NAALADL2: variants seen among roughly 807,000 people sequenced by gnomAD.
NAALADL2 encodes inactive N-acetylated-alpha-linked acidic dipeptidase-like protein 2.
In NAALADL2, 76 loss-of-function variants were observed where a neutral mutation model predicts 87.2. The ratio of observed to expected loss-of-function variants is 0.87; its 90% CI spans 0.72 to 1.05. NAALADL2 has a LOEUF of 1.05. Among genes scored for constraint, NAALADL2 ranks in the 50% least tolerant of loss-of-function variants. The pLI, the probability that NAALADL2 is intolerant of heterozygous loss-of-function variation, is 0.00. For synonymous variants in NAALADL2, 354 were observed against 331.0 expected, an observed-to-expected ratio of 1.07 and a Z score of -0.75; for missense variants, 1,089 against 945.8, an observed-to-expected ratio of 1.15 and a Z score of -1.99.
chr3:175,111,155 C>A (rs1023802488), intron 2 of NAALADL2, among the ~76,000 whole-genome samples: 2 of 151,618 alleles, frequency 1.3e-5, no homozygotes, highest in Admixed American at 1.3e-4. Context: ...GAGCTATGTC[C>A]AGGTGCGGGG....
intron 1 of NAALADL2, chr3:174,459,200 T>G (rs1716045928): frequency 6.6e-6 from 1 of 152,246 alleles, no homozygotes; most frequent in Non-Finnish European, 1.5e-5. Context: ...TTATGTCTTT[T>G]CATTTTTTTT....
chr3:175,106,545 A>C (rs1355876631), intron 2 of NAALADL2, among the ~76,000 whole-genome samples: 1 of 152,104 alleles, frequency 6.6e-6, no homozygotes, highest in Non-Finnish European at 1.5e-5. Flanking sequence ...GGGAATAACA[A>C]ATGTTTTACT....
chr3:174,986,694 A>T (rs1745924894), intron 1 of NAALADL2, among the ~76,000 whole-genome samples: 1 of 152,200 alleles, frequency 6.6e-6, no homozygotes. Context: ...TTAATTCCTG[A>T]AACTGTGCTT....
At chr3:174,782,588 G>A (rs553017874) in intron 3 of NAALADL2, among the ~76,000 whole-genome samples, 3 of 152,066 alleles carry the variant, frequency 2.0e-5, no homozygotes, top group Non-Finnish European at 4.4e-5. Context: ...GTATTAGTCC[G>A]TTCTGACGCT....
chr3:175,781,730 C>T (rs1751129864), intron 13 of NAALADL2, among the ~76,000 whole-genome samples: 1 of 147,594 alleles, frequency 6.8e-6, no homozygotes, highest in African/African-American at 2.5e-5. Flanking sequence ...TTTTATTATA[C>T]TTTAAGTTTT....
chr3:175,236,012 G>C (rs1028358447), intron 3 of NAALADL2, among the ~76,000 whole-genome samples: 1 of 152,106 alleles, frequency 6.6e-6, no homozygotes, highest in Admixed American at 6.6e-5. Flanking sequence ...ATATTGTACA[G>C]TTTCCACACT....
chr3:175,143,551 C>CAAAAA (rs200363916), intron 2 of NAALADL2, among the ~76,000 whole-genome samples: 7 of 113,408 alleles, frequency 6.2e-5, no homozygotes, highest in Admixed American at 9.0e-5. Flanking sequence ...CAATGTTAGC[C>CAAAAA]AAAAAAAAAA....
At chr3:174,976,093 A>G (rs1039730667) in intron 1 of NAALADL2, among the ~76,000 whole-genome samples, 10 of 152,218 alleles carry the variant, frequency 6.6e-5, no homozygotes, top group African/African-American at 2.2e-4. Context: ...TGCAATAGAC[A>G]TAGGTAATTC....
intron 2 of NAALADL2, among the ~76,000 whole-genome samples, chr3:175,102,479 T>C (rs1321905566): frequency 6.6e-6 from 1 of 152,208 alleles, no homozygotes; most frequent in Non-Finnish European, 1.5e-5. Flanking sequence ...ATGGCTTTTA[T>C]TGGTTCTTTC....
intron 9 of NAALADL2, among the ~76,000 whole-genome samples, chr3:175,555,484 C>A (rs1053577873): frequency 4.6e-5 from 7 of 152,128 alleles, no homozygotes; most frequent in African/African-American, 1.4e-4. Context: ...CTTTAAGGCA[C>A]TCTTTAAACA....
intron 4 of NAALADL2, among the ~76,000 whole-genome samples, chr3:175,265,032 C>T (rs1017540779): frequency 4.6e-5 from 7 of 151,676 alleles, no homozygotes; most frequent in African/African-American, 1.7e-4. Flanking sequence ...ACATACTAAA[C>T]ATTCATCGAA....
At chr3:175,181,722 T>TGC (rs752623463) in intron 2 of NAALADL2, among the ~76,000 whole-genome samples, 3,767 of 57,574 alleles carry the variant, frequency 0.065, 268 homozygotes, top group Non-Finnish European at 0.099. Context: ...TGTGTGTATA[T>TGC]ATATGTATAT....
intron 2 of NAALADL2, among the ~76,000 whole-genome samples, chr3:174,706,454 A>G (rs536297784): frequency 6.6e-6 from 1 of 152,338 alleles, no homozygotes; most frequent in South Asian, 2.1e-4. Context: ...GAATAGATAC[A>G]TTGTACAATA....
At chr3:175,008,757 G>A (rs1252413487) in intron 1 of NAALADL2, among the ~76,000 whole-genome samples, 1 of 111,796 alleles carries the variant, frequency 8.9e-6, no homozygotes, top group East Asian at 2.9e-4. Flanking sequence ...GTAGGCTAGG[G>A]TTTGGAGGTA....
At chr3:174,881,386 C>T (rs1729169354) in intron 1 of NAALADL2, among the ~76,000 whole-genome samples, 1 of 152,038 alleles carries the variant, frequency 6.6e-6, no homozygotes, top group Non-Finnish European at 1.5e-5. Flanking sequence ...GTACACAAAA[C>T]ATATTACACA....
At chr3:174,947,865 A>G (rs998085560) in intron 1 of NAALADL2, among the ~76,000 whole-genome samples, 5 of 152,036 alleles carry the variant, frequency 3.3e-5, no homozygotes, top group Admixed American at 2.6e-4. Context: ...ACTGAGCTTT[A>G]TTTTCTAATA....
intron 9 of NAALADL2, among the ~76,000 whole-genome samples, chr3:175,496,069 A>G (rs1292308347): frequency 6.6e-6 from 1 of 152,178 alleles, no homozygotes; most frequent in Non-Finnish European, 1.5e-5. Flanking sequence ...TGTGGCAGAC[A>G]TATTTATACT....
chr3:175,292,855 GT>G (rs1755813443), intron 4 of NAALADL2, among the ~76,000 whole-genome samples: 1 of 151,760 alleles, frequency 6.6e-6, no homozygotes, highest in Non-Finnish European at 1.5e-5. Flanking sequence ...GGCTAACACG[GT>G]GAAACCCCGT....
chr3:174,904,952 TA>T (rs1434371366), intron 1 of NAALADL2, among the ~76,000 whole-genome samples: 3 of 151,616 alleles, frequency 2.0e-5, no homozygotes, highest in African/African-American at 7.3e-5. Context: ...AACATAGCAT[TA>T]AAACTTTTTT....
Sources: allele counts gnomAD v4.1 joint callset (sites outside exome capture counted in the v4.1 genomes callset), GRCh38; gene constraint gnomAD v4.1.1; transcripts MANE v1.5; gene names NCBI Gene and HGNC (gene_info 2026-07-23, HGNC 2026-07-21).